SUCLG2: variants seen among roughly 807,000 people sequenced by gnomAD.
The protein encoded by SUCLG2 is succinate-CoA ligase GDP-forming subunit beta, also known as succinate--CoA ligase [GDP-forming] subunit beta, mitochondrial.
In SUCLG2, 42 loss-of-function variants were observed where a neutral mutation model predicts 47.9. The ratio of observed to expected loss-of-function variants is 0.88; its 90% CI spans 0.69 to 1.14. The LOEUF (loss-of-function observed/expected upper bound fraction) is 1.14, where lower values mean the gene tolerates loss of function less well. Ranked by LOEUF, SUCLG2 falls within the 50% of genes most tolerant of loss-of-function variation. The pLI, the probability that SUCLG2 is intolerant of heterozygous loss-of-function variation, is 0.00. For missense variants in SUCLG2, 571 were observed against 525.9 expected, an observed-to-expected ratio of 1.09 and a Z score of -0.84; for synonymous variants, 195 against 197.3, an observed-to-expected ratio of 0.99 and a Z score of 0.10.
chr3:67,495,947 A>T lies in SUCLG2; in HGVS notation c.920-7T>A, dbSNP rs983967442. 12 of 1,613,852 alleles carry T rather than the reference A, an allele frequency of 7.4e-6. No homozygotes were observed. Among genetic ancestry groups the T allele is most frequent in the African/African-American group, 1.3e-5 (1 of 75,044 alleles). ...GCGAGCCCAGCACCATTCACTGTGA[A>T]ATGCAAATGGGACACAAGACAGGCT... On this transcript the variant is annotated splice_region_variant and splice_polypyrimidine_tract_variant and intron_variant, in intron 8 of 10. Transcript: ENST00000307227.
intron 9 of SUCLG2, among the ~76,000 whole-genome samples, chr3:67,441,064 C>A (rs1703750622): frequency 1.3e-5 from 2 of 152,176 alleles, no homozygotes; most frequent in African/African-American, 4.8e-5. Flanking sequence ...AGGATGAGTT[C>A]ATGTCCTCTG....
chr3:67,602,599 G>A (rs1366331744), intron 2 of SUCLG2, among the ~76,000 whole-genome samples: 1 of 152,138 alleles, frequency 6.6e-6, no homozygotes, highest in Non-Finnish European at 1.5e-5. Context: ...GGATCTCTTT[G>A]CAAAAATACA....
At chr3:67,569,357 G>C (rs1467664382) in intron 2 of SUCLG2, among the ~76,000 whole-genome samples, 1 of 152,176 alleles carries the variant, frequency 6.6e-6, no homozygotes, top group Non-Finnish European at 1.5e-5. Flanking sequence ...GATTGATCAA[G>C]TAGGATTCAA....
chr3:67,393,331 T>C (rs1220531210), intron 10 of SUCLG2, among the ~76,000 whole-genome samples: 1 of 152,242 alleles, frequency 6.6e-6, no homozygotes, highest in African/African-American at 2.4e-5. Flanking sequence ...TACTGCGCTT[T>C]TCCGACGGGC....
chr3:67,508,593 C>G (rs1299091665), intron 7 of SUCLG2, among the ~76,000 whole-genome samples: 4 of 152,136 alleles, frequency 2.6e-5, no homozygotes, highest in Non-Finnish European at 5.9e-5. Flanking sequence ...GTAAAACAAG[C>G]AGTAGCTTCC....
intron 10 of SUCLG2, among the ~76,000 whole-genome samples, chr3:67,396,960 C>A (rs1702545426): frequency 6.6e-6 from 1 of 151,796 alleles, no homozygotes; most frequent in Non-Finnish European, 1.5e-5. Context: ...AGGCCTTTGA[C>A]AAAATTCAAC....
At chr3:67,421,647 TATAA>T (rs1409506841) in intron 9 of SUCLG2, among the ~76,000 whole-genome samples, 1 of 152,250 alleles carries the variant, frequency 6.6e-6, no homozygotes, top group East Asian at 1.9e-4. Flanking sequence ...GGTATGTTTA[TATAA>T]ATGTTTTACT....
At chr3:67,499,539 T>G (rs766479465) in intron 7 of SUCLG2, among the ~76,000 whole-genome samples, 3 of 152,070 alleles carry the variant, frequency 2.0e-5, no homozygotes, top group Admixed American at 6.6e-5. Context: ...CATTCCATAA[T>G]AGGAGACAGA....
chr3:67,392,380 A>G (rs1012816678), intron 10 of SUCLG2, among the ~76,000 whole-genome samples: 4 of 152,224 alleles, frequency 2.6e-5, no homozygotes, highest in African/African-American at 9.6e-5. Flanking sequence ...AATCTGCTCC[A>G]TTGTCTAAAA....
At chr3:67,609,223 G>C (rs1442999164) in intron 2 of SUCLG2, among the ~76,000 whole-genome samples, 3 of 152,196 alleles carry the variant, frequency 2.0e-5, no homozygotes, top group African/African-American at 7.2e-5. Context: ...CAGGGACAAA[G>C]CTCTGAAAGC....
intron 9 of SUCLG2, among the ~76,000 whole-genome samples, chr3:67,446,604 T>C (rs901208679): frequency 3.3e-5 from 5 of 151,068 alleles, no homozygotes; most frequent in African/African-American, 2.4e-5. Context: ...TAATTTCTTT[T>C]TTTTTTTTTA....
chr3:67,593,503 C>T (rs915240213), intron 2 of SUCLG2, among the ~76,000 whole-genome samples: 32 of 152,344 alleles, frequency 2.1e-4, no homozygotes, highest in African/African-American at 7.7e-4. Flanking sequence ...AAGTCCCGAG[C>T]TGTCCATCCA....
intron 9 of SUCLG2, among the ~76,000 whole-genome samples, chr3:67,415,935 CTT>C (rs1703030615): frequency 6.6e-6 from 1 of 152,292 alleles, no homozygotes; most frequent in Admixed American, 6.5e-5. Flanking sequence ...TGTTCTCTCT[CTT>C]GGATCACTCA....
chr3:67,554,097 A>C (rs1707093960), intron 2 of SUCLG2, among the ~76,000 whole-genome samples: 1 of 152,106 alleles, frequency 6.6e-6, no homozygotes, highest in South Asian at 2.1e-4. Flanking sequence ...GGTAGGTGTG[A>C]TTTTTTGCAT....
Position 67,481,210 on chromosome 3 carries a change from C to T in SUCLG2, c.1062+14588G>A, listed in dbSNP as rs1218633449. Among the ~76,000 whole-genome samples, 5 of 152,180 alleles carry T rather than the reference C, an allele frequency of 3.3e-5. No homozygotes were observed. In the South Asian group the frequency reaches 6.2e-4, roughly 19 times the overall value. ...GTCATGGCAAGGGTAATTAGCAATA[C>T]AAGTTTCTAAATGCTTATTCTCAGT... On this transcript the variant is annotated intron_variant, in intron 9 of 10. Coordinates refer to ENST00000307227, the MANE Select transcript of SUCLG2 (RefSeq NM_003848.4).
At chr3:67,429,594 T>G (rs1372523513) in intron 9 of SUCLG2, among the ~76,000 whole-genome samples, 1 of 152,122 alleles carries the variant, frequency 6.6e-6, no homozygotes, top group Non-Finnish European at 1.5e-5. Context: ...AATTCACACA[T>G]AACAATATTA....
intron 9 of SUCLG2, among the ~76,000 whole-genome samples, chr3:67,467,756 C>T (rs116341583): frequency 0.054 from 8,156 of 152,060 alleles, 305 homozygotes; most frequent in Middle Eastern, 0.11. Flanking sequence ...CTCATAGCAA[C>T]CCTGCTGAGT....
In SUCLG2 at chr3:67,448,586, T is replaced by C. The variant is rs1338353341; in HGVS notation, c.1062+47212A>G. 7.9e-5 allele frequency among the ~76,000 whole-genome samples: 12 copies of C among 152,336 alleles called. No individual in the cohort carries two copies. The East Asian group carries it at 2.3e-3, about 29-fold the overall frequency. On this transcript the variant is annotated intron_variant, in intron 9 of 10. Transcript: ENST00000307227. Reference sequence around the variant, plus strand: ...TTTTAGTAGAGACAGGGTTTTGCCATGTTGGCCAGGCTGGTCTCAAATTCC... The same window carrying C: ...TTTTAGTAGAGACAGGGTTTTGCCACGTTGGCCAGGCTGGTCTCAAATTCC...
chr3:67,538,989 T>C (rs572069025), intron 2 of SUCLG2, among the ~76,000 whole-genome samples: 1 of 152,346 alleles, frequency 6.6e-6, no homozygotes, highest in Non-Finnish European at 1.5e-5. Context: ...AAATATACAA[T>C]CATGTCATCT....
Sources: gnomAD v4.1 joint callset for allele counts (sites outside exome capture counted in the v4.1 genomes callset) on GRCh38, gnomAD v4.1.1 for gene constraint, MANE v1.5 for transcripts, NCBI Gene and HGNC (gene_info 2026-07-23, HGNC 2026-07-21) for gene names.